Variants in EPG5 observed in about 807,000 individuals in gnomAD.
EPG5 encodes ectopic P granules protein 5 homolog.
In EPG5, 159 loss-of-function variants were observed where a neutral mutation model predicts 302.7. That is an observed-to-expected ratio of 0.53 (90% CI 0.46 to 0.60). The LOEUF is 0.60. EPG5 is among the 20% of genes least tolerant of loss of function. The pLI is 0.00. For synonymous variants in EPG5, 1,158 were observed against 1,136.8 expected, an observed-to-expected ratio of 1.02 and a Z score of -0.37; for missense variants, 2,896 against 3,092.4, an observed-to-expected ratio of 0.94 and a Z score of 1.51.
At chr18:45,808,419 G>T in the EPG5 span, among the ~76,000 whole-genome samples, 1 of 152,090 alleles carries the variant, frequency 6.6e-6, no homozygotes, top group Non-Finnish European at 1.5e-5. Context: ...ACCTATGCAC[G>T]TTGTCAACAG....
chr18:45,910,597 T>A lies in EPG5; in HGVS notation c.4129A>T (p.Ser1377Cys), dbSNP rs779291137. ...SKALRVPAEG[S>C]EGLPESHSGT... ...GAGTGGCTCTCTGGCAGCCCTTCAC[T>A]GCCCTCTGCTGGAACACGGAGGGCC... Residue 1377 changes from serine (S) to cysteine (C), a missense_variant, in exon 23 of 44, where the codon AGT (serine) becomes TGT (cysteine). Coordinates refer to ENST00000282041, the MANE Select transcript of EPG5 (RefSeq NM_020964.3). 1 of 1,614,130 alleles carries A rather than the reference T, an allele frequency of 6.2e-7. No homozygotes were observed. Among genetic ancestry groups the A allele is most frequent in the South Asian group, 1.1e-5 (1 of 91,076 alleles).
At chr18:45,831,063 A>G in the EPG5 span, among the ~76,000 whole-genome samples, 12 of 152,340 alleles carry the variant, frequency 7.9e-5, no homozygotes, top group South Asian at 2.1e-3. Flanking sequence ...AACTTGCCCA[A>G]TGTCCCAAAG....
At position 45,955,551 on chromosome 18, in the gene EPG5, T is replaced by C. The variant is rs57659207; in HGVS notation, c.64-213A>G. ...TATCCAATATTGAGCGTGTTAAATTTGGAGATTCACTAGTCTGATCCTAAT... is the reference window on the plus strand; with the variant it reads ...TATCCAATATTGAGCGTGTTAAATTCGGAGATTCACTAGTCTGATCCTAAT... On this transcript the variant is annotated intron_variant, in intron 1 of 43. Coordinates refer to ENST00000282041, the MANE Select transcript of EPG5 (RefSeq NM_020964.3). 0.12 allele frequency among the ~76,000 whole-genome samples: 17,592 copies of C among 152,222 alleles called. 1,362 individuals carry two copies. Among genetic ancestry groups the C allele is most frequent in the African/African-American group, 0.22 (9,051 of 41,506 alleles).
chr18:45,839,173 AC>A, the EPG5 span: 3 of 1,325,568 alleles, frequency 2.3e-6, no homozygotes, highest in South Asian at 4.2e-5. Context: ...CACCTGGCTG[AC>A]CCCCTGGCAC....
intron 3 of EPG5, among the ~76,000 whole-genome samples, chr18:45,951,981 C>T (rs2050919472): frequency 6.6e-6 from 1 of 152,148 alleles, no homozygotes; most frequent in Admixed American, 6.5e-5. Context: ...CATTATTAAT[C>T]CTCTGTTGGA....
At chr18:45,953,567 T>TG in intron 2 of EPG5, 1 of 985,368 alleles carries the variant, frequency 1.0e-6, no homozygotes, top group South Asian at 4.7e-5. Context: ...TCTTCTTCCT[T>TG]GCCATCTCTC....
In EPG5 at chr18:45,917,917, T is replaced by A. The variant is rs2050069405; in HGVS notation, c.3099-98A>T. 11 of 1,272,544 alleles carry A rather than the reference T, an allele frequency of 8.6e-6. No individual in the cohort carries two copies. In the South Asian group the frequency reaches 1.5e-4, roughly 18 times the overall value. The allele number at this position is 1,272,544 out of a possible 1,614,324, so 78.8% of individuals were successfully genotyped here. On this transcript the variant is annotated intron_variant, in intron 16 of 43. Coordinates refer to ENST00000282041, the MANE Select transcript of EPG5 (RefSeq NM_020964.3). ...TGAGCCTTCAATACCTTGGGTTATC[T>A]CAGGTCTCCAACACATGTTTTATAC... is the stretch of plus-strand genomic sequence containing the variant.
intron 16 of EPG5, among the ~76,000 whole-genome samples, chr18:45,921,027 G>A (rs570967943): frequency 7.9e-5 from 12 of 152,236 alleles, no homozygotes; most frequent in African/African-American, 2.6e-4. Flanking sequence ...CCCTGCACTG[G>A]GATTTTTAAA....
At chr18:45,854,038 G>A (rs1278830442) in intron 43 of EPG5, among the ~76,000 whole-genome samples, 3 of 152,224 alleles carry the variant, frequency 2.0e-5, no homozygotes, top group East Asian at 1.9e-4. Flanking sequence ...AAAGAGGCCA[G>A]GCCTGGGCAG....
chr18:45,869,837 A>T (rs2145301235), intron 36 of EPG5, among the ~76,000 whole-genome samples: 1 of 152,256 alleles, frequency 6.6e-6, no homozygotes, highest in East Asian at 1.9e-4. Flanking sequence ...GTGTCTCAAC[A>T]ATAAATGTGA....
chr18:45,923,485 CT>C (rs1424715258), intron 14 of EPG5, 98 bp from the exon 15 acceptor site: 20 of 1,306,740 alleles, frequency 1.5e-5, no homozygotes, highest in Non-Finnish European at 1.8e-5. Flanking sequence ...AACAAAGGAT[CT>C]TCGATGTAGA....
intron 13 of EPG5, among the ~76,000 whole-genome samples, chr18:45,927,507 C>T (rs8090999): frequency 0.019 from 2,875 of 152,092 alleles, 109 homozygotes; most frequent in African/African-American, 0.066. Context: ...GGTACATCCG[C>T]ATTCACAGAA....
chr18:45,830,579 C>CTT, the EPG5 span, among the ~76,000 whole-genome samples: 2 of 96,804 alleles, frequency 2.1e-5, no homozygotes, highest in South Asian at 3.8e-4. Context: ...AGATATTTTT[C>CTT]TTTCTTTTTT....
the EPG5 span, among the ~76,000 whole-genome samples, chr18:45,807,782 G>C: frequency 1.1e-3 from 166 of 152,168 alleles, no homozygotes; most frequent in African/African-American, 3.6e-3. Context: ...AAATGAGAAG[G>C]AACCAGAAAA....
At chr18:45,840,158 G>T in the EPG5 span, 1 of 1,604,696 alleles carries the variant, frequency 6.2e-7, no homozygotes, top group Non-Finnish European at 8.5e-7. Context: ...GGGCGCACAG[G>T]CTGCAGACTG....
At chr18:45,894,218 G>C (rs2049416901) in intron 27 of EPG5, among the ~76,000 whole-genome samples, 1 of 152,148 alleles carries the variant, frequency 6.6e-6, no homozygotes, top group Non-Finnish European at 1.5e-5. Flanking sequence ...CTAGCACTTT[G>C]GGAGGCCGAG....
At chr18:45,961,867 A>C (rs926801061) in intron 1 of EPG5, among the ~76,000 whole-genome samples, 1 of 151,860 alleles carries the variant, frequency 6.6e-6, no homozygotes, top group African/African-American at 2.4e-5. Context: ...CCAAAAAAAA[A>C]AAAAAAAAAC....
chr18:45,892,715 A>T (rs2049379829), intron 27 of EPG5, among the ~76,000 whole-genome samples: 1 of 152,178 alleles, frequency 6.6e-6, no homozygotes, highest in South Asian at 2.1e-4. Context: ...CTTCCCATAA[A>T]ATATATTTGC....
the EPG5 span, among the ~76,000 whole-genome samples, chr18:45,839,870 A>G: frequency 6.6e-6 from 1 of 152,124 alleles, no homozygotes; most frequent in Non-Finnish European, 1.5e-5. Flanking sequence ...CCATAGCACT[A>G]GGCTCACACT....
Sources: gnomAD v4.1 joint callset for allele counts (sites outside exome capture counted in the v4.1 genomes callset) on GRCh38, gnomAD v4.1.1 for gene constraint, MANE v1.5 for transcripts, NCBI Gene and HGNC (gene_info 2026-07-23, HGNC 2026-07-21) for gene names.